The following MARK4 variants were observed in gnomAD, a reference collection of about 807,000 sequenced individuals.
MARK4 encodes microtubule affinity regulating kinase 4.
MARK4 carries 19 observed loss-of-function variants against 81.5 expected under a neutral mutation model. That is an observed-to-expected ratio of 0.23 (90% CI 0.16 to 0.34). MARK4 has a LOEUF of 0.34. Ranked by LOEUF, MARK4 falls within the 10% of genes least tolerant of loss-of-function variation. The pLI, the probability that MARK4 is intolerant of heterozygous loss-of-function variation, is 1.00. For missense variants in MARK4, 772 were observed against 1,058.8 expected, an observed-to-expected ratio of 0.73 and a Z score of 3.76; for synonymous variants, 436 against 439.0, an observed-to-expected ratio of 0.99 and a Z score of 0.08.
chr19:45,273,581 C>T (rs765379237), intron 8 of MARK4, among the ~76,000 whole-genome samples: 35 of 152,198 alleles, frequency 2.3e-4, no homozygotes, highest in Non-Finnish European at 4.0e-4. Flanking sequence ...CTTGTGTCTC[C>T]TTTCATCCGG....
At chr19:45,266,519 A>G (rs982381211) in intron 7 of MARK4, among the ~76,000 whole-genome samples, 2 of 152,054 alleles carry the variant, frequency 1.3e-5, no homozygotes, top group African/African-American at 4.8e-5. Context: ...TGAACAAAGC[A>G]GGGAGAAACA....
chr19:45,267,102 A>G (rs1388979416), intron 7 of MARK4, among the ~76,000 whole-genome samples: 1 of 145,634 alleles, frequency 6.9e-6, no homozygotes, highest in Non-Finnish European at 1.5e-5. Flanking sequence ...ACTGTTGCCC[A>G]GGCTGGAGTG....
chr19:45,296,483 CTT>C (rs938352697), intron 14 of MARK4, among the ~76,000 whole-genome samples: 13 of 152,224 alleles, frequency 8.5e-5, no homozygotes, highest in Non-Finnish European at 1.8e-4. Flanking sequence ...AGCAACAACT[CTT>C]TGTAAAGGCG....
intron 14 of MARK4, among the ~76,000 whole-genome samples, chr19:45,297,200 C>T (rs564646404): frequency 1.4e-4 from 21 of 152,276 alleles, no homozygotes; most frequent in African/African-American, 4.1e-4. Flanking sequence ...GAGGAGGGTC[C>T]TGGGACAGTG....
chr19:45,281,768 CAGG>C (rs1327948584), intron 12 of MARK4, among the ~76,000 whole-genome samples: 1 of 152,152 alleles, frequency 6.6e-6, no homozygotes, highest in Non-Finnish European at 1.5e-5. Context: ...AACTGGGGCA[CAGG>C]AGGACACGTT....
At position 45,265,004 on chromosome 19, in the gene MARK4, GGGGGC is replaced by G. The variant is rs1970432827; in HGVS notation, c.492+100_492+104del. On this transcript the variant is annotated intron_variant, in intron 6 of 16. Coordinates refer to ENST00000262891, the MANE Select transcript of MARK4 (RefSeq NM_001199867.2). ...CATGGTCTGGGCTGTCCAGCGACCT[GGGGGC>G]GGGGCTTAAGTCTGGGCAGGGGTGA... 2.4e-6 allele frequency: 3 copies of G among 1,271,638 alleles called. No homozygotes were observed. In the Admixed American group the frequency reaches 5.3e-5, roughly 23 times the overall value. The allele number at this position is 1,271,638 out of a possible 1,614,324, so 78.8% of individuals were successfully genotyped here. A position where few individuals can be genotyped will look rare whatever the true frequency, so the allele number is the denominator to read the frequency against.
chr19:45,258,078 C>T (rs1970332679), intron 1 of MARK4, among the ~76,000 whole-genome samples: 1 of 149,468 alleles, frequency 6.7e-6, no homozygotes, highest in Non-Finnish European at 1.5e-5. Context: ...CTCTGCCTCC[C>T]AGGTTCAAGT....
chr19:45,293,786 C>G (rs1349399211), intron 13 of MARK4, among the ~76,000 whole-genome samples: 1 of 152,144 alleles, frequency 6.6e-6, no homozygotes, highest in African/African-American at 2.4e-5. Flanking sequence ...ATTGACAGCA[C>G]AGTGATTGAA....
intron 7 of MARK4, among the ~76,000 whole-genome samples, chr19:45,267,948 A>G (rs1970477213): frequency 6.6e-6 from 1 of 152,126 alleles, no homozygotes; most frequent in Admixed American, 6.6e-5. Context: ...GGTGGGCACC[A>G]CCATGCCCAG....
At chr19:45,286,418 A>G (rs1970743529) in intron 12 of MARK4, among the ~76,000 whole-genome samples, 1 of 150,202 alleles carries the variant, frequency 6.7e-6, no homozygotes, top group South Asian at 2.2e-4. Flanking sequence ...ATGTAAAGAG[A>G]TAAATATGGG....
intron 12 of MARK4, among the ~76,000 whole-genome samples, chr19:45,282,483 A>G (rs1470958442): frequency 6.6e-6 from 1 of 151,256 alleles, no homozygotes; most frequent in East Asian, 2.0e-4. Context: ...GCTTGAGCCC[A>G]GGAGTTCTAG....
chr19:45,267,419 G>A (rs1308270065), intron 7 of MARK4, among the ~76,000 whole-genome samples: 2 of 152,162 alleles, frequency 1.3e-5, no homozygotes, highest in Admixed American at 1.3e-4. Context: ...GGGACTCAAC[G>A]GGGCTCCAGC....
intron 12 of MARK4, among the ~76,000 whole-genome samples, chr19:45,282,075 T>C (rs148762877): frequency 6.6e-5 from 10 of 151,356 alleles, no homozygotes; most frequent in African/African-American, 2.2e-4. Context: ...AACACAAAAT[T>C]AGCTGGGCGT....
Position 45,287,441 on chromosome 19 carries a change from C to G in MARK4, c.1277-6C>G. ...TGCCAGCTCTAAACGGTACCCCCTC[C>G]CCCAGGTGGCCCATCCCCTGCACCC... On this transcript the variant is annotated splice_region_variant and splice_polypyrimidine_tract_variant and intron_variant, in intron 12 of 16. Coordinates refer to ENST00000262891, the MANE Select transcript of MARK4 (RefSeq NM_001199867.2). 7.0e-7 allele frequency: 1 copy of G among 1,425,422 alleles called. No individual in the cohort carries two copies. Among genetic ancestry groups the G allele is most frequent in the Non-Finnish European group, 9.2e-7 (1 of 1,081,862 alleles). 88.3% of individuals were successfully genotyped at this position (1,425,422 alleles called of 1,614,324 possible). A position where few individuals can be genotyped will look rare whatever the true frequency, so the allele number is the denominator to read the frequency against.
chr19:45,303,722 A>C lies in MARK4; in HGVS notation c.*1012A>C, dbSNP rs768171906. ...CAGGCCCAGTGCTGGACACAGAGAC[A>C]TGAAGCTCTGTCTGTGGGAGACAGG... On this transcript the variant is annotated 3_prime_UTR_variant, in exon 17 of 17. Coordinates refer to ENST00000262891, the MANE Select transcript of MARK4 (RefSeq NM_001199867.2). 1 of 152,150 alleles carries C rather than the reference A, an allele frequency of 6.6e-6. No individual in the cohort carries two copies. Among genetic ancestry groups the C allele is most frequent in the Non-Finnish European group, 1.5e-5 (1 of 68,052 alleles). 9.4% of individuals were successfully genotyped at this position (152,150 alleles called of 1,614,324 possible). A position where few individuals can be genotyped will look rare whatever the true frequency, so the allele number is the denominator to read the frequency against.
chr19:45,294,764 G>A (rs539236084), intron 14 of MARK4, among the ~76,000 whole-genome samples: 68 of 152,282 alleles, frequency 4.5e-4, no homozygotes, highest in African/African-American at 1.6e-3. Flanking sequence ...CAGCTTCAGC[G>A]TCATCTGGTT....
In MARK4 at chr19:45,277,826, TG is replaced by T. The variant is rs1970620013; in HGVS notation, c.787-96del. 565 of 114,130 alleles carry T rather than the reference TG, an allele frequency of 5.0e-3. 3 individuals are homozygous for T. The East Asian group carries it at 0.19, about 39-fold the overall frequency. The allele number at this position is 114,130 out of a possible 1,614,324, so 7.1% of individuals were successfully genotyped here. On this transcript the variant is annotated intron_variant, in intron 8 of 16. Transcript: ENST00000262891. Reference sequence around the variant, plus strand: ...ATCAAAGGGGTTGGGACAAAGGTTGTGTGTGTGTGTGTGTGTGTGTGTGTGT... The same window carrying T: ...ATCAAAGGGGTTGGGACAAAGGTTGTTGTGTGTGTGTGTGTGTGTGTGTGT...
intron 16 of MARK4, among the ~76,000 whole-genome samples, chr19:45,301,591 T>C (rs1599808539): frequency 7.6e-6 from 1 of 132,014 alleles, no homozygotes; most frequent in Non-Finnish European, 1.6e-5. Flanking sequence ...CCGGGCGCAG[T>C]GGCTCACACC....
intron 2 of MARK4, among the ~76,000 whole-genome samples, chr19:45,259,870 T>A (rs1970358615): frequency 6.6e-6 from 1 of 152,184 alleles, no homozygotes; most frequent in Non-Finnish European, 1.5e-5. Context: ...GTGGATTGCT[T>A]GAGGTCAGGA....
Sources: allele counts gnomAD v4.1 joint callset (sites outside exome capture counted in the v4.1 genomes callset), GRCh38; gene constraint gnomAD v4.1.1; transcripts MANE v1.5; gene names NCBI Gene and HGNC (gene_info 2026-07-23, HGNC 2026-07-21).